The following ECI1 variants were observed in gnomAD, a reference collection of about 807,000 sequenced individuals.
The protein encoded by ECI1 is enoyl-CoA delta isomerase 1, mitochondrial.
ECI1 carries 34 observed loss-of-function variants against 34.2 expected under a neutral mutation model. That is an observed-to-expected ratio of 1.00 (90% confidence interval 0.76 to 1.33). The LOEUF is 1.33. Among genes scored for constraint, ECI1 ranks in the 40% most tolerant of loss-of-function variants. The probability of loss-of-function intolerance (pLI) is 0.00; values close to 1 mark genes in which losing one functional copy is unlikely to be tolerated. For missense variants in ECI1, 456 were observed against 422.2 expected (o/e 1.08, Z -0.70); for synonymous variants, 211 against 193.0 (o/e 1.09, Z -0.77).
intron 2 of ECI1, among the ~76,000 whole-genome samples, chr16:2,250,880 G>A (rs1476069730): frequency 6.6e-6 from 1 of 152,128 alleles, no homozygotes; most frequent in East Asian, 1.9e-4. Flanking sequence ...GGAGTGCAGT[G>A]GCACAATCTC....
At chr16:2,247,587 G>C (rs1482169709) in intron 2 of ECI1, among the ~76,000 whole-genome samples, 1 of 151,722 alleles carries the variant, frequency 6.6e-6, no homozygotes. Flanking sequence ...AGTAGGGACG[G>C]GGTTTTCTCC....
Position 2,243,196 on chromosome 16 carries a change from C to G in ECI1, c.592G>C (p.Gly198Arg), listed in dbSNP as rs773456374. 1 of 1,610,774 alleles carries G rather than the reference C, an allele frequency of 6.2e-7. No homozygotes were observed. The highest frequency in any genetic ancestry group is 1.1e-5 in the South Asian group (1 of 91,084). Reference protein sequence around the residue: ...WLKDTLENTIGHRAAERALQL... With the variant: ...WLKDTLENTIRHRAAERALQL... Reference sequence around the variant, plus strand: ...AGGGCACGCTCCGCCGCCCGGTGCCCGATGGTGTTCTCCAGGGTGTCTTTC... The same window carrying G: ...AGGGCACGCTCCGCCGCCCGGTGCCGGATGGTGTTCTCCAGGGTGTCTTTC... The change falls in exon 6 of 7, where the codon GGG becomes CGG. Residue 198 changes from glycine to arginine, a missense_variant. By Grantham distance (125) the Gly-to-Arg change is moderately radical. Coordinates refer to ENST00000301729, the MANE Select transcript of ECI1 (RefSeq NM_001919.4).
At chr16:2,246,516 G>T (rs1219397754) in intron 3 of ECI1, among the ~76,000 whole-genome samples, 1 of 152,144 alleles carries the variant, frequency 6.6e-6, no homozygotes, top group Non-Finnish European at 1.5e-5. Flanking sequence ...CAGGAAGGCG[G>T]TCTCCCAGGA....
At chr16:2,244,135 C>A (rs1408964357) in intron 4 of ECI1, 21 of 540,818 alleles carry the variant, frequency 3.9e-5, no homozygotes, top group Non-Finnish European at 3.7e-5. Flanking sequence ...ACAGCCTCCA[C>A]CCAGGCTGGC....
chr16:2,247,385 G>A (rs776509767), intron 2 of ECI1, among the ~76,000 whole-genome samples: 3 of 152,078 alleles, frequency 2.0e-5, no homozygotes, highest in African/African-American at 4.8e-5. Flanking sequence ...GTGAGCCCCC[G>A]CGCCTGGTCC....
Position 2,244,431 on chromosome 16 carries a change from T to A in ECI1, c.416A>T (p.Asn139Ile), listed in dbSNP as rs745357478. ...GTTGATGGCGGAGACCAGCACCAGG[T>A]TGGACTGGTACAACCGCAGCCACAG... ...QELWLRLYQS[N>I]LVLVSAINGA... Residue 139 changes from asparagine (N) to isoleucine (I), a missense_variant, in exon 4 of 7, where the codon AAC becomes ATC. By Grantham distance (149) the Asn-to-Ile change is moderately radical. Coordinates refer to ENST00000301729, the MANE Select transcript of ECI1 (RefSeq NM_001919.4). 8.7e-6 allele frequency: 14 copies of A among 1,612,264 alleles called. No individual in the cohort carries two copies. The highest frequency in any genetic ancestry group is 1.1e-5 in the Non-Finnish European group (13 of 1,179,818).
chr16:2,251,176 C>T (rs957244469), intron 2 of ECI1, 140 bp downstream of exon 2: 8 of 277,786 alleles, frequency 2.9e-5, no homozygotes, highest in African/African-American at 1.1e-4. Context: ...CCAGGTAGAG[C>T]GGCAAGGTTC....
intron 3 of ECI1, among the ~76,000 whole-genome samples, chr16:2,245,195 C>A (rs918528711): frequency 2.0e-5 from 3 of 152,164 alleles, no homozygotes; most frequent in Admixed American, 6.5e-5. Flanking sequence ...TGGTCACAGC[C>A]CCCTGAGCAA....
intron 3 of ECI1, among the ~76,000 whole-genome samples, chr16:2,246,478 G>C (rs749708887): frequency 6.6e-6 from 1 of 152,166 alleles, no homozygotes; most frequent in Non-Finnish European, 1.5e-5. Flanking sequence ...CCGCCTGGAC[G>C]ACGGCCCGGG....
rs1416484831 is a variant in ECI1, at chr16:2,251,407, GGCCGCGCCCGGGA to G, written c.62_74del (p.Leu21ProfsTer35). On this transcript the variant is annotated frameshift_variant, in exon 2 of 7. Coordinates refer to ENST00000301729, the MANE Select transcript of ECI1 (RefSeq NM_001919.4). LOFTEE classifies it high-confidence loss of function. ...CGGCCGCCCGCTCCGTCCGCCCGAG[GGCCGCGCCCGGGA>G]GCCGGGCCCCTGCGAAGGCAGCGTG... The G allele has an allele frequency of 1.5e-6, 2 of 1,351,712 alleles. No homozygotes were observed. Among genetic ancestry groups the G allele is most frequent in the South Asian group, 1.8e-5 (1 of 55,606 alleles). The allele number at this position is 1,351,712 out of a possible 1,614,324, so 83.7% of individuals were successfully genotyped here. A position where few individuals can be genotyped will look rare whatever the true frequency, so the allele number is the denominator to read the frequency against.
chr16:2,247,133 G>A lies in ECI1; in HGVS notation c.167-147C>T, dbSNP rs938569268. Reference sequence around the variant, plus strand: ...TTATTTAGAGACAGAGTCTCGCTCTGTCACCCAGGCTGGAGTGCAGTGGCG... The same window carrying A: ...TTATTTAGAGACAGAGTCTCGCTCTATCACCCAGGCTGGAGTGCAGTGGCG... On this transcript the variant is annotated intron_variant, in intron 2 of 6. Transcript: ENST00000301729. 2.0e-5 allele frequency: 22 copies of A among 1,077,696 alleles called. No homozygotes were observed. In the Admixed American group the frequency reaches 2.5e-4, roughly 12 times the overall value. The allele number at this position is 1,077,696 out of a possible 1,614,324, so 66.8% of individuals were successfully genotyped here.
chr16:2,250,748 A>C (rs565268410), intron 2 of ECI1, among the ~76,000 whole-genome samples: 2 of 152,228 alleles, frequency 1.3e-5, no homozygotes, highest in Non-Finnish European at 2.9e-5. Context: ...ATTTTATTCC[A>C]AAAGATTCCA....
chr16:2,244,736 C>T (rs2093536385), intron 3 of ECI1, among the ~76,000 whole-genome samples, 184 bp from the exon 4 acceptor site: 1 of 152,226 alleles, frequency 6.6e-6, no homozygotes, highest in African/African-American at 2.4e-5. Flanking sequence ...TCTCCTGGAC[C>T]TGGCTTCCCT....
chr16:2,245,247 T>C (rs2093537560), intron 3 of ECI1, among the ~76,000 whole-genome samples: 1 of 152,162 alleles, frequency 6.6e-6, no homozygotes, highest in South Asian at 2.1e-4. Context: ...CGGCACGTTT[T>C]CCTCCCGAGG....
At chr16:2,244,168 T>C in intron 4 of ECI1, 4 of 585,238 alleles carry the variant, frequency 6.8e-6, no homozygotes, top group Non-Finnish European at 1.2e-5. Flanking sequence ...CCCTGGTCCC[T>C]ACCCACTGGC....
At chr16:2,247,795 C>T (rs962274993) in intron 2 of ECI1, among the ~76,000 whole-genome samples, 1 of 152,184 alleles carries the variant, frequency 6.6e-6, no homozygotes, top group African/African-American at 2.4e-5. Flanking sequence ...CAGCTTTGAC[C>T]TCCTGGGCTC....
rs2093523907 is a variant in ECI1, at chr16:2,239,995, T to C, written c.893A>G (p.Lys298Arg). The C allele has an allele frequency of 6.2e-7, 1 of 1,613,834 alleles. No individual in the cohort carries two copies. Among genetic ancestry groups the C allele is most frequent in the African/African-American group, 1.3e-5 (1 of 75,068 alleles). The change falls in exon 7 of 7, where the codon AAA (lysine) becomes AGA (arginine). Residue 298 changes from lysine (K) to arginine (R), a missense_variant. Coordinates refer to ENST00000301729, the MANE Select transcript of ECI1 (RefSeq NM_001919.4). ...GCCCAATCGTTAGCCTTTTTCTTCT[T>C]TGAGCCTCTCTAAGTACATCTGCAG... Reference protein sequence around the residue: ...KSLQMYLERLKEEKG With the variant: ...KSLQMYLERLREEKG
rs988881339 is a variant in ECI1 at position 2,251,504 on chromosome 16, G to T, written c.52+11C>A. ...CCCCGGCCCGATCCCTGCCCACCCC[G>T]GGTTTCGCACCCGCGCGGAGCAGAA... is the stretch of plus-strand genomic sequence containing the variant. On this transcript the variant is annotated intron_variant, in intron 1 of 6. Transcript: ENST00000301729. The T allele has an allele frequency of 1.9e-6, 3 of 1,558,738 alleles. No individual in the cohort carries two copies. In the East Asian group the frequency reaches 7.2e-5, roughly 37 times the overall value.
In ECI1 at chr16:2,240,153, G is replaced by A. The variant is rs774126259; in HGVS notation, c.743-8C>T. 6.2e-7 allele frequency: 1 copy of A among 1,613,176 alleles called. No individual in the cohort carries two copies. Among genetic ancestry groups the A allele is most frequent in the Non-Finnish European group, 8.5e-7 (1 of 1,179,964 alleles). On this transcript the variant is annotated splice_region_variant and splice_polypyrimidine_tract_variant and intron_variant, in intron 6 of 6. Coordinates refer to ENST00000301729, the MANE Select transcript of ECI1 (RefSeq NM_001919.4). ...TCAGCTGTCGAGCATGGTCTAAAGA[G>A]AATGGGACGTGCCACTGAAATCCCA... is the stretch of plus-strand genomic sequence containing the variant.
Sources: allele counts gnomAD v4.1 joint callset (sites outside exome capture counted in the v4.1 genomes callset), GRCh38; gene constraint gnomAD v4.1.1; transcripts MANE v1.5; gene names NCBI Gene and HGNC (gene_info 2026-07-23, HGNC 2026-07-21).